RYR3: variants seen among roughly 807,000 people sequenced by gnomAD.
RYR3 encodes the protein brain ryanodine receptor-calcium release channel.
RYR3 carries 207 observed loss-of-function variants against 584.3 expected under a neutral mutation model. The ratio of observed to expected loss-of-function variants is 0.35; its 90% CI spans 0.32 to 0.40. The LOEUF (loss-of-function observed/expected upper bound fraction) is 0.40. Among genes scored for constraint, RYR3 ranks in the 10% least tolerant of loss-of-function variants. RYR3 has a pLI of 1.00. For synonymous variants in RYR3, 2,416 were observed against 2,248.5 expected (o/e 1.07, Z -2.11); for missense variants, 5,616 against 6,089.2 (o/e 0.92, Z 2.59).
At chr15:33,755,249 T>C in intron 58 of RYR3, 69 bp downstream of exon 58, 1 of 957,702 alleles carries the variant, frequency 1.0e-6, no homozygotes, top group Non-Finnish European at 1.6e-6. Context: ...CCTTTCAGAC[T>C]GTAACTTTTT....
chr15:33,801,587 G>T (rs1342434133), intron 68 of RYR3, among the ~76,000 whole-genome samples: 1 of 150,710 alleles, frequency 6.6e-6, no homozygotes. Context: ...GAGTCAGGTT[G>T]GAATTTGGTG....
intron 20 of RYR3, among the ~76,000 whole-genome samples, chr15:33,626,913 G>A (rs117854988): frequency 2.0e-5 from 3 of 152,078 alleles, no homozygotes; most frequent in Admixed American, 1.3e-4. Context: ...TTTGCTAAAC[G>A]GGTGGGGTCC....
At chr15:33,807,414 A>G in intron 69 of RYR3, 141 bp from the exon 70 acceptor site, 2 of 839,596 alleles carry the variant, frequency 2.4e-6, no homozygotes, top group Non-Finnish European at 4.0e-6. Context: ...ACTGGCTTCC[A>G]GAACCATTGA....
At chr15:33,832,544 T>A (rs1430140014) in intron 86 of RYR3, among the ~76,000 whole-genome samples, 1 of 149,738 alleles carries the variant, frequency 6.7e-6, no homozygotes, top group Non-Finnish European at 1.5e-5. Flanking sequence ...TAATCCCAGC[T>A]ACTCAGGAGG....
At chr15:33,405,090 A>T (rs1455610021) in intron 1 of RYR3, among the ~76,000 whole-genome samples, 1 of 152,232 alleles carries the variant, frequency 6.6e-6, no homozygotes, top group African/African-American at 2.4e-5. Context: ...ATGTTTATGG[A>T]AACATTAGAA....
chr15:33,325,695 C>G (rs1248304351), intron 1 of RYR3, among the ~76,000 whole-genome samples: 4 of 141,764 alleles, frequency 2.8e-5, no homozygotes, highest in East Asian at 2.1e-4. Context: ...TCCCCCTTCC[C>G]CCTTCCCCTC....
At chr15:33,790,653 G>A (rs909861385) in intron 67 of RYR3, among the ~76,000 whole-genome samples, 1 of 152,128 alleles carries the variant, frequency 6.6e-6, no homozygotes, top group African/African-American at 2.4e-5. Context: ...ATGGACAATT[G>A]CATATAAGAT....
chr15:33,699,661 A>G (rs1489521523), intron 40 of RYR3, 43 bp from the exon 41 acceptor site: 5 of 1,595,800 alleles, frequency 3.1e-6, no homozygotes, highest in East Asian at 4.5e-5. Flanking sequence ...GAAAGGCCTC[A>G]TGATAGATTC....
chr15:33,725,194 C>CATATAT (rs2068285513), intron 45 of RYR3, among the ~76,000 whole-genome samples: 1 of 131,536 alleles, frequency 7.6e-6, no homozygotes, highest in South Asian at 2.3e-4. Flanking sequence ...CACACACACA[C>CATATAT]ACACACACAT....
chr15:33,860,475 T>C, intron 100 of RYR3, 120 bp from the exon 101 acceptor site: 2 of 568,108 alleles, frequency 3.5e-6, no homozygotes, highest in Non-Finnish European at 6.1e-6. Context: ...ATTATTTTTC[T>C]AATTTTGCTT....
intron 3 of RYR3, among the ~76,000 whole-genome samples, chr15:33,512,712 A>G (rs2053144294): frequency 6.6e-6 from 1 of 152,184 alleles, no homozygotes; most frequent in South Asian, 2.1e-4. Context: ...TCATAATTGT[A>G]TCTGTGATCT....
chr15:33,827,831 G>T (rs563123778), intron 85 of RYR3, among the ~76,000 whole-genome samples: 1 of 152,320 alleles, frequency 6.6e-6, no homozygotes, highest in African/African-American at 2.4e-5. Context: ...TATGTTTAAT[G>T]TGCCTGTGTT....
chr15:33,733,266 G>A (rs12906433), intron 48 of RYR3, among the ~76,000 whole-genome samples: 14,360 of 152,152 alleles, frequency 0.094, 922 homozygotes, highest in East Asian at 0.29. Context: ...CAAATGAGTT[G>A]GAAACTTATG....
chr15:33,577,486 T>G (rs2058358360), intron 12 of RYR3, among the ~76,000 whole-genome samples: 1 of 152,164 alleles, frequency 6.6e-6, no homozygotes, highest in African/African-American at 2.4e-5. Context: ...CATCTGATCT[T>G]TGACAAACCT....
chr15:33,539,292 A>C, intron 5 of RYR3, 58 bp from the exon 6 acceptor site: 1 of 1,162,424 alleles, frequency 8.6e-7, no homozygotes, highest in East Asian at 2.6e-5. Flanking sequence ...AACAAGGAGC[A>C]AAATTAGGGA....
intron 11 of RYR3, among the ~76,000 whole-genome samples, chr15:33,565,557 C>A (rs1480666444): frequency 2.0e-5 from 3 of 152,142 alleles, no homozygotes; most frequent in Non-Finnish European, 4.4e-5. Flanking sequence ...GAGAGACCAA[C>A]AATCTTTATT....
intron 12 of RYR3, among the ~76,000 whole-genome samples, chr15:33,572,581 G>A (rs1306716994): frequency 6.0e-5 from 9 of 149,980 alleles, no homozygotes; most frequent in African/African-American, 2.0e-4. Context: ...GGAGATGGAA[G>A]CATCAACAGG....
At chr15:33,605,308 A>C (rs2059853544) in intron 18 of RYR3, among the ~76,000 whole-genome samples, 1 of 152,250 alleles carries the variant, frequency 6.6e-6, no homozygotes, top group East Asian at 1.9e-4. Context: ...GGACCTGAAC[A>C]TCCTGTCTAA....
intron 27 of RYR3, 139 bp downstream of exon 27, chr15:33,636,689 C>A (rs1031093799): frequency 1.5e-6 from 1 of 688,994 alleles, no homozygotes. Flanking sequence ...TGAAGACGAT[C>A]CCATAGACTA....
Sources: allele counts gnomAD v4.1 joint callset (sites outside exome capture counted in the v4.1 genomes callset), GRCh38; gene constraint gnomAD v4.1.1; transcripts MANE v1.5; gene names NCBI Gene and HGNC (gene_info 2026-07-23, HGNC 2026-07-21).